The following LPAR5 variants were observed in gnomAD, a reference collection of about 807,000 sequenced individuals.
LPAR5 encodes the protein G protein-coupled receptor 92.
For missense variants in LPAR5, 544 were observed against 521.8 expected (o/e 1.04, Z -0.41); for synonymous variants, 271 against 261.6 (o/e 1.04, Z -0.35).
chr12:6,622,429 AAAAT>A (rs1303508900), intron 1 of LPAR5, among the ~76,000 whole-genome samples: 2 of 151,332 alleles, frequency 1.3e-5, no homozygotes, highest in South Asian at 2.1e-4. Context: ...ACTCCATCTC[AAAAT>A]AAATAAATAA....
At chr12:6,633,412 G>GT (rs1288830758) in intron 1 of LPAR5, among the ~76,000 whole-genome samples, 266 of 145,318 alleles carry the variant, frequency 1.8e-3, no homozygotes, top group Non-Finnish European at 1.9e-3. Flanking sequence ...CCTGGGTTTT[G>GT]TTTTTTTTTT....
In LPAR5 at chr12:6,621,145, G is replaced by A; in HGVS notation, c.104C>T (p.Ala35Val). 6.3e-7 allele frequency: 1 copy of A among 1,598,584 alleles called. No homozygotes were observed. Among genetic ancestry groups the A allele is most frequent in the South Asian group, 1.1e-5 (1 of 88,592 alleles). Residue 35 changes from alanine to valine, a missense_variant, in exon 2 of 2, where the codon GCC becomes GTC. Transcript: ENST00000329858. ...HLVVYSLVLA[A>V]GLPLNALALW... ...GGCTAGCGCGTTGAGGGGGAGCCCG[G>A]CAGCCAGCACCAAGCTGTAGACCAC...
At chr12:6,622,524 G>A (rs981175268) in intron 1 of LPAR5, among the ~76,000 whole-genome samples, 44 of 150,972 alleles carry the variant, frequency 2.9e-4, no homozygotes, top group Non-Finnish European at 4.6e-4. Context: ...TGAGGTGGGC[G>A]GATCACCTGA....
At chr12:6,625,498 G>A (rs2136242332) in intron 1 of LPAR5, among the ~76,000 whole-genome samples, 1 of 150,730 alleles carries the variant, frequency 6.6e-6, no homozygotes, top group Admixed American at 6.6e-5. Context: ...AAGGCGGGCG[G>A]ATCACAAGGT....
chr12:6,631,297 G>A (rs894344131), intron 1 of LPAR5, among the ~76,000 whole-genome samples: 5 of 152,136 alleles, frequency 3.3e-5, no homozygotes, highest in South Asian at 2.1e-4. Context: ...TAATAAACAC[G>A]TATGTGCATA....
rs980464230 is a variant in LPAR5 at position 6,619,608 on chromosome 12, A to G, written c.*522T>C. ...TGCGAGAAAGAATGTAGTTCTGTCC[A>G]TAGGAACTCTTGTATTAGGCCTCAG... On this transcript the variant is annotated 3_prime_UTR_variant, in exon 2 of 2. Transcript: ENST00000329858. 1 of 275,896 alleles carries G rather than the reference A, an allele frequency of 3.6e-6. No individual in the cohort carries two copies. The highest frequency in any genetic ancestry group is 2.2e-5 in the African/African-American group (1 of 45,636). 17.1% of individuals were successfully genotyped at this position (275,896 alleles called of 1,614,324 possible). A position where few individuals can be genotyped will look rare whatever the true frequency, so the allele number is the denominator to read the frequency against.
intron 1 of LPAR5, among the ~76,000 whole-genome samples, chr12:6,626,288 A>AT (rs921567738): frequency 6.6e-6 from 1 of 151,888 alleles, no homozygotes; most frequent in Non-Finnish European, 1.5e-5. Context: ...AAAAGAAAAA[A>AT]TTTTTTCATA....
At chr12:6,634,957 G>A (rs1592303846) in intron 1 of LPAR5, among the ~76,000 whole-genome samples, 1 of 151,680 alleles carries the variant, frequency 6.6e-6, no homozygotes, top group African/African-American at 2.4e-5. Flanking sequence ...GCATGGTGGT[G>A]CGTACCTATA....
chr12:6,628,982 G>C (rs1948964311), intron 1 of LPAR5, among the ~76,000 whole-genome samples: 1 of 151,500 alleles, frequency 6.6e-6, no homozygotes, highest in African/African-American at 2.4e-5. Flanking sequence ...TGTTGGCCAG[G>C]CTGGTCTCGA....
At chr12:6,634,351 G>C (rs893433290) in intron 1 of LPAR5, among the ~76,000 whole-genome samples, 1 of 151,598 alleles carries the variant, frequency 6.6e-6, no homozygotes, top group African/African-American at 2.4e-5. Context: ...TGTGTGACTC[G>C]CGCCTGTAAT....
Position 6,621,478 on chromosome 12 carries a change from G to A in LPAR5, c.-216-14C>T, listed in dbSNP as rs1948895768. 4.7e-6 allele frequency: 2 copies of A among 427,112 alleles called. No individual in the cohort carries two copies. Among genetic ancestry groups the A allele is most frequent in the Non-Finnish European group, 8.5e-6 (2 of 235,040 alleles). The allele number at this position is 427,112 out of a possible 1,614,324, so 26.5% of individuals were successfully genotyped here. On this transcript the variant is annotated splice_polypyrimidine_tract_variant and intron_variant, in intron 1 of 1. Transcript: ENST00000329858. ...AGCAGCAGAGACCTGGAATAGGAAG[G>A]CAAGCCGGAAGTTATACAGAGACAG...
At chr12:6,629,671 C>CA (rs374044341) in intron 1 of LPAR5, among the ~76,000 whole-genome samples, 1,841 of 122,568 alleles carry the variant, frequency 0.015, 12 homozygotes, top group African/African-American at 0.029. Context: ...GAGACTCCGT[C>CA]AAAAAAAAAA....
chr12:6,622,000 C>A (rs546025500), intron 1 of LPAR5, among the ~76,000 whole-genome samples: 2 of 151,504 alleles, frequency 1.3e-5, no homozygotes, highest in African/African-American at 4.9e-5. Flanking sequence ...TGGTGGTGCA[C>A]ACCTGTAATC....
Position 6,619,723 on chromosome 12 carries a change from G to A in LPAR5, c.*407C>T, listed in dbSNP as rs1948870455. ...CAGCAGATGAACAGGCATCTCAGTA[G>A]CTTTGTCCACCAAACCTGGTGCTCT... On this transcript the variant is annotated 3_prime_UTR_variant, in exon 2 of 2. Transcript: ENST00000329858. 1 of 365,392 alleles carries A rather than the reference G, an allele frequency of 2.7e-6. No individual in the cohort carries two copies. The highest frequency in any genetic ancestry group is 5.3e-6 in the Non-Finnish European group (1 of 187,152). 22.6% of individuals were successfully genotyped at this position (365,392 alleles called of 1,614,324 possible).
intron 1 of LPAR5, among the ~76,000 whole-genome samples, chr12:6,628,112 C>G (rs1195355504): frequency 6.8e-6 from 1 of 147,520 alleles, no homozygotes; most frequent in African/African-American, 2.5e-5. Context: ...AGCTCTGCCT[C>G]CCGGGTTCAC....
intron 1 of LPAR5, among the ~76,000 whole-genome samples, chr12:6,633,402 C>T (rs1320993409): frequency 3.3e-5 from 5 of 151,724 alleles, no homozygotes; most frequent in Non-Finnish European, 5.9e-5. Flanking sequence ...GGTTCCTTCT[C>T]CTGGGTTTTG....
chr12:6,624,836 T>G (rs1226225922), intron 1 of LPAR5, among the ~76,000 whole-genome samples: 1 of 152,080 alleles, frequency 6.6e-6, no homozygotes, highest in African/African-American at 2.4e-5. Flanking sequence ...GTCAGGCTGG[T>G]CTCGATCTCC....
At chr12:6,628,044 CAG>C (rs1948954532) in intron 1 of LPAR5, among the ~76,000 whole-genome samples, 1 of 23,898 alleles carries the variant, frequency 4.2e-5, no homozygotes, top group African/African-American at 7.7e-5. Flanking sequence ...TTTTTTGAGA[CAG>C]AGTCTTGCTC....
intron 1 of LPAR5, among the ~76,000 whole-genome samples, chr12:6,628,947 T>C (rs1268040621): frequency 1.3e-5 from 2 of 151,760 alleles, no homozygotes; most frequent in Non-Finnish European, 2.9e-5. Context: ...TCTGTATTTT[T>C]AGTAGAGAAG....
Sources: allele counts gnomAD v4.1 joint callset (sites outside exome capture counted in the v4.1 genomes callset), GRCh38; gene constraint gnomAD v4.1.1; transcripts MANE v1.5; gene names NCBI Gene and HGNC (gene_info 2026-07-23, HGNC 2026-07-21).